TSPEAR: variants seen among roughly 807,000 people sequenced by gnomAD.
The protein encoded by TSPEAR is thrombospondin-type laminin G domain and EAR repeat-containing protein.
In TSPEAR, 69 loss-of-function variants were observed where a neutral mutation model predicts 71.6. The observed-to-expected ratio is 0.96, with a 90% CI of 0.79 to 1.18. The LOEUF is 1.18. Ranked by LOEUF, TSPEAR falls within the 50% of genes most tolerant of loss-of-function variation. The probability of loss-of-function intolerance (pLI) is 0.00; values close to 1 mark genes in which losing one functional copy is unlikely to be tolerated. For synonymous variants in TSPEAR, 402 were observed against 387.2 expected (o/e 1.04, Z -0.45); for missense variants, 971 against 894.9 (o/e 1.09, Z -1.09).
rs1369480588 is a variant in TSPEAR, at chr21:44,600,103, CAG to C, written c.83-32100_83-32099del. Among the ~76,000 whole-genome samples, 16 of 152,272 alleles carry C rather than the reference CAG, an allele frequency of 1.1e-4. No homozygotes were observed. In the South Asian group the frequency reaches 2.9e-3, roughly 28 times the overall value. On this transcript the variant is annotated intron_variant, in intron 1 of 11. Transcript: ENST00000323084. ...AAGCCCTTGGGGGGACTTTATGCAC[CAG>C]AGAGAGTGTGGGGAGTCACTTCTAG...
intron 3 of TSPEAR, among the ~76,000 whole-genome samples, chr21:44,531,576 C>CG (rs201585854): frequency 0.018 from 2,732 of 148,196 alleles, 72 homozygotes; most frequent in African/African-American, 0.058. Context: ...GACATGAATT[C>CG]GGGGGGGGCA....
chr21:44,539,193 G>A, intron 2 of TSPEAR: 1 of 1,498,892 alleles, frequency 6.7e-7, no homozygotes. Context: ...GGGAGACACG[G>A]GGACCCGTCC....
At chr21:44,601,020 T>G (rs782472801) in intron 1 of TSPEAR, 7 of 1,610,330 alleles carry the variant, frequency 4.3e-6, no homozygotes, top group Admixed American at 1.7e-5. Context: ...GTGGGGATTC[T>G]TCATGCTGCC....
At chr21:44,576,202 G>A (rs1978432480) in intron 1 of TSPEAR, among the ~76,000 whole-genome samples, 2 of 152,262 alleles carry the variant, frequency 1.3e-5, no homozygotes, top group Admixed American at 6.5e-5. Flanking sequence ...TGGAGGTGGA[G>A]TTGTGAGGAC....
At position 44,711,439 on chromosome 21, in the gene TSPEAR, A is replaced by T. The variant is rs781836712; in HGVS notation, c.76T>A (p.Cys26Ser). The change falls in exon 1 of 12, where the codon TGC becomes AGC. Residue 26 changes from cysteine (C) to serine (S), a missense_variant. Transcript: ENST00000323084. The surrounding 1 kb of genome is among the most constrained non-coding windows in gnomAD (Gnocchi z 4.5). ...TCCCATGCCCCTGCCTTACCTGTGC[A>T]GGGCTCCCAACCCTGCGTGCCGTGG... ...PGHGTQGWEPCTDLRPLDILA... is the reference protein window; with the variant it reads ...PGHGTQGWEPSTDLRPLDILA... 4 of 1,604,068 alleles carry T rather than the reference A, an allele frequency of 2.5e-6. No individual in the cohort carries two copies. The highest frequency in any genetic ancestry group is 2.6e-6 in the Non-Finnish European group (3 of 1,175,810).
intron 1 of TSPEAR, among the ~76,000 whole-genome samples, chr21:44,663,066 A>T (rs1456288684): frequency 6.6e-6 from 1 of 151,850 alleles, no homozygotes; most frequent in Admixed American, 6.6e-5. Flanking sequence ...AAAAAAGAAA[A>T]TTAAACTCAA....
At chr21:44,519,874 T>C (rs1487926776) in intron 9 of TSPEAR, 2 of 152,262 alleles carry the variant, frequency 1.3e-5, no homozygotes, top group African/African-American at 4.8e-5. Context: ...GCAGAGCTCT[T>C]GGCACAGGTG....
chr21:44,690,510 C>T, intron 1 of TSPEAR: 1 of 975,238 alleles, frequency 1.0e-6, no homozygotes, highest in African/African-American at 1.7e-5. Context: ...TAGCATCAGA[C>T]ATCTCATCAG....
chr21:44,511,330 C>G (rs1389769590), intron 9 of TSPEAR, among the ~76,000 whole-genome samples: 1 of 152,006 alleles, frequency 6.6e-6, no homozygotes, highest in Non-Finnish European at 1.5e-5. Flanking sequence ...TGCATGCATG[C>G]ATACACACAC....
chr21:44,518,257 A>C (rs980172098), intron 9 of TSPEAR: 2 of 462,488 alleles, frequency 4.3e-6, no homozygotes. Flanking sequence ...TGACTCCTGC[A>C]GTTTTCAGGA....
At chr21:44,577,969 G>A (rs457974) in intron 1 of TSPEAR, among the ~76,000 whole-genome samples, 143,936 of 152,232 alleles carry the variant, frequency 0.95, 68,196 homozygotes, top group Non-Finnish European at 0.97. Context: ...ATGATAGTAA[G>A]TAAGTCTCAC....
Position 44,677,134 on chromosome 21 carries a change from A to C in TSPEAR, c.82+34299T>G, listed in dbSNP as rs112688234. On this transcript the variant is annotated intron_variant, in intron 1 of 11. Transcript: ENST00000323084. ...CTTTTTGACCACATTATCCAGATCA[A>C]CTATCATGTTGTGAAGTTTATATGA... 3 of 714,902 alleles carry C rather than the reference A, an allele frequency of 4.2e-6. No individual in the cohort carries two copies. In the Admixed American group the frequency reaches 6.0e-5, roughly 14 times the overall value. The allele number at this position is 714,902 out of a possible 1,614,324, so 44.3% of individuals were successfully genotyped here. A position where few individuals can be genotyped will look rare whatever the true frequency, so the allele number is the denominator to read the frequency against.
intron 1 of TSPEAR, chr21:44,628,225 C>T (rs1555935021): frequency 1.7e-5 from 12 of 686,524 alleles, no homozygotes; most frequent in South Asian, 9.7e-5. Context: ...CCCCCCCGGG[C>T]AGGCGAGCCC....
chr21:44,511,020 ACT>A (rs367660496), intron 9 of TSPEAR: 29 of 152,226 alleles, frequency 1.9e-4, no homozygotes, highest in African/African-American at 6.3e-4. Flanking sequence ...ACTCTGAGAC[ACT>A]CTGGGCCGGT....
chr21:44,629,492 G>A (rs1003233955), intron 1 of TSPEAR, among the ~76,000 whole-genome samples: 13 of 152,208 alleles, frequency 8.5e-5, no homozygotes, highest in African/African-American at 2.7e-4. Context: ...CATTGGATTA[G>A]GGCCCATCCA....
chr21:44,594,812 C>G (rs587758081), intron 1 of TSPEAR, among the ~76,000 whole-genome samples: 1 of 140,034 alleles, frequency 7.1e-6, no homozygotes, highest in South Asian at 2.2e-4. Context: ...TCCAAACTTA[C>G]GGATCTGTGA....
chr21:44,610,348 C>T (rs1555930575), intron 1 of TSPEAR, among the ~76,000 whole-genome samples: 1 of 152,214 alleles, frequency 6.6e-6, no homozygotes. Flanking sequence ...GGTCCCCATG[C>T]TGTATGCAGC....
intron 1 of TSPEAR, among the ~76,000 whole-genome samples, chr21:44,633,753 T>A (rs587723202): frequency 6.6e-6 from 1 of 152,324 alleles, no homozygotes; most frequent in South Asian, 2.1e-4. Context: ...GTTCTTCAAG[T>A]TCTCTATTTC....
At chr21:44,544,039 A>G (rs1458678544) in intron 2 of TSPEAR, among the ~76,000 whole-genome samples, 1 of 152,228 alleles carries the variant, frequency 6.6e-6, no homozygotes, top group African/African-American at 2.4e-5. Flanking sequence ...CGTATCAGCA[A>G]AGCCCCACAT....
Sources: allele counts gnomAD v4.1 joint callset (sites outside exome capture counted in the v4.1 genomes callset), GRCh38; gene constraint gnomAD v4.1.1; non-coding constraint Gnocchi (gnomAD v3.1); transcripts MANE v1.5; gene names NCBI Gene and HGNC (gene_info 2026-07-23, HGNC 2026-07-21).